The following SOX5 variants were observed in gnomAD, a reference collection of about 807,000 sequenced individuals.
The protein encoded by SOX5 is SRY-box transcription factor 5.
In SOX5, 9 loss-of-function variants were observed where a neutral mutation model predicts 92.0. The ratio of observed to expected loss-of-function variants is 0.10; its 90% confidence interval spans 0.06 to 0.17. The LOEUF (loss-of-function observed/expected upper bound fraction) is 0.17. SOX5 is among the 10% of genes least tolerant of loss of function. SOX5 has a pLI of 1.00. For synonymous variants in SOX5, 344 were observed against 336.3 expected (o/e 1.02, Z -0.25); for missense variants, 642 against 944.5 (o/e 0.68, Z 4.20).
chr12:23,729,093 T>C (rs910473675), intron 6 of SOX5, among the ~76,000 whole-genome samples: 7 of 152,078 alleles, frequency 4.6e-5, no homozygotes, highest in East Asian at 1.9e-4. Context: ...TTGCCCATCA[T>C]TGGAAATACA....
chr12:23,535,210 TTAAATC>T, intron 14 of SOX5, among the ~76,000 whole-genome samples: 1 of 152,358 alleles, frequency 6.6e-6, no homozygotes, highest in East Asian at 1.9e-4. Context: ...TTCCCTAGAA[TTAAATC>T]TAAAGATAAT....
At chr12:24,024,624 T>A (rs528336509) in intron 4 of SOX5, among the ~76,000 whole-genome samples, 2 of 152,120 alleles carry the variant, frequency 1.3e-5, no homozygotes, top group South Asian at 4.1e-4. Context: ...ATTTCAGACA[T>A]TTCTAAATAT....
intron 4 of SOX5, among the ~76,000 whole-genome samples, chr12:23,748,562 A>G (rs1307038605): frequency 6.6e-6 from 1 of 152,046 alleles, no homozygotes; most frequent in Non-Finnish European, 1.5e-5. Context: ...AAGAAAAAGT[A>G]CAAGTAAACT....
chr12:24,109,650 T>C (rs1420013412), intron 4 of SOX5, among the ~76,000 whole-genome samples: 1 of 152,148 alleles, frequency 6.6e-6, no homozygotes, highest in African/African-American at 2.4e-5. Flanking sequence ...ACAGTAAAAA[T>C]AGATTGATCT....
chr12:23,541,229 C>A (rs914703356), intron 13 of SOX5, among the ~76,000 whole-genome samples: 3 of 152,234 alleles, frequency 2.0e-5, no homozygotes, highest in African/African-American at 7.2e-5. Flanking sequence ...AATATCATTT[C>A]TTATCATCAA....
chr12:24,225,492 T>C (rs201462572), intron 3 of SOX5, among the ~76,000 whole-genome samples: 3 of 131,742 alleles, frequency 2.3e-5, no homozygotes, highest in African/African-American at 8.2e-5. Context: ...TTTTTTTTTT[T>C]TCCCCACTTA....
intron 2 of SOX5, among the ~76,000 whole-genome samples, chr12:24,290,058 C>T (rs972607563): frequency 1.3e-5 from 2 of 152,272 alleles, no homozygotes; most frequent in Admixed American, 6.5e-5. Flanking sequence ...CCTTTGTCTG[C>T]GATCCAAAAG....
chr12:24,166,087 A>C (rs1953374357), intron 4 of SOX5, among the ~76,000 whole-genome samples: 1 of 152,112 alleles, frequency 6.6e-6, no homozygotes, highest in Non-Finnish European at 1.5e-5. Flanking sequence ...GCTGGGCTGG[A>C]AAGAAACGTA....
chr12:23,734,499 C>G (rs1593814819), intron 6 of SOX5, among the ~76,000 whole-genome samples, 185 bp downstream of exon 6: 1 of 152,284 alleles, frequency 6.6e-6, no homozygotes, highest in African/African-American at 2.4e-5. Context: ...AGCTCCCTGA[C>G]ACAGTAGGGC....
chr12:24,115,141 G>C (rs1456544338), intron 4 of SOX5, among the ~76,000 whole-genome samples: 1 of 152,084 alleles, frequency 6.6e-6, no homozygotes, highest in African/African-American at 2.4e-5. Flanking sequence ...AGAAAACAAA[G>C]TGCAGAAAGT....
chr12:23,692,162 G>A lies in SOX5; in HGVS notation c.811-26598C>T, dbSNP rs190010141. On this transcript the variant is annotated intron_variant, in intron 6 of 14. Coordinates refer to ENST00000451604, the MANE Select transcript of SOX5 (RefSeq NM_006940.6). ...TAAAAATGATTTATGGCTGGGCACG[G>A]TGGCTCACGCCTGTAATCTCAGCAC... Among the ~76,000 whole-genome samples the A allele has an allele frequency of 4.3e-4, 66 of 152,168 alleles. 1 individual carries two copies. The highest frequency in any genetic ancestry group is 1.5e-3 in the African/African-American group (63 of 41,526).
chr12:23,665,571 A>G lies in SOX5; in HGVS notation c.811-7T>C, dbSNP rs1260056287. ...GCGGCAGCTGACCTTGAACCTGCTG[A>G]ACGTGATAGAGCGAATCAAAGAGAA... On this transcript the variant is annotated splice_polypyrimidine_tract_variant and splice_region_variant and intron_variant, in intron 6 of 14. Transcript: ENST00000451604. 1.2e-6 allele frequency: 2 copies of G among 1,610,456 alleles called. No individual in the cohort carries two copies. The highest frequency in any genetic ancestry group is 1.7e-6 in the Non-Finnish European group (2 of 1,178,300).
intron 3 of SOX5, among the ~76,000 whole-genome samples, chr12:23,808,301 T>C (rs952246058): frequency 6.6e-6 from 1 of 152,082 alleles, no homozygotes; most frequent in African/African-American, 2.4e-5. Flanking sequence ...CACCCCACCA[T>C]CTCTCACTTG....
chr12:23,613,588 C>T (rs79461242), intron 8 of SOX5, among the ~76,000 whole-genome samples: 5,094 of 152,220 alleles, frequency 0.033, 286 homozygotes, highest in African/African-American at 0.12. Flanking sequence ...TTATTCACAA[C>T]AGCCCAAAGG....
intron 6 of SOX5, among the ~76,000 whole-genome samples, chr12:23,688,509 A>G (rs2088078677): frequency 6.6e-6 from 1 of 152,048 alleles, no homozygotes; most frequent in South Asian, 2.1e-4. Context: ...TTAATGGCAA[A>G]ATAGGAATGG....
chr12:24,379,674 G>C (rs1009946134), intron 1 of SOX5, among the ~76,000 whole-genome samples: 2 of 152,098 alleles, frequency 1.3e-5, no homozygotes, highest in Admixed American at 6.5e-5. Context: ...AAGGGATCAA[G>C]CCCTGACAAA....
Position 23,870,958 on chromosome 12 carries a change from C to T in SOX5, c.271-24765G>A, listed in dbSNP as rs73265702. On this transcript the variant is annotated intron_variant, in intron 2 of 14. Coordinates refer to ENST00000451604, the MANE Select transcript of SOX5 (RefSeq NM_006940.6). ...AATTATAGGGATCATATGAAAATCC[C>T]GTTATCCACCATGAAAATCTGGTAG... Among the ~76,000 whole-genome samples, 778 of 152,030 alleles carry T rather than the reference C, an allele frequency of 5.1e-3. 6 individuals carry two copies. The highest frequency in any genetic ancestry group is 0.018 in the African/African-American group (737 of 41,486).
At chr12:24,475,103 T>C (rs1024051602) in intron 1 of SOX5, among the ~76,000 whole-genome samples, 6 of 152,146 alleles carry the variant, frequency 3.9e-5, no homozygotes, top group Non-Finnish European at 8.8e-5. Context: ...CCTCCCAAAG[T>C]GCTGGGATTA....
At chr12:24,223,737 AGAGT>A (rs1961107924) in intron 3 of SOX5, among the ~76,000 whole-genome samples, 1 of 152,240 alleles carries the variant, frequency 6.6e-6, no homozygotes, top group African/African-American at 2.4e-5. Context: ...CTCAGGCAAT[AGAGT>A]GAGACCCTAT....
Sources: allele counts gnomAD v4.1 joint callset (sites outside exome capture counted in the v4.1 genomes callset), GRCh38; gene constraint gnomAD v4.1.1; transcripts MANE v1.5; gene names NCBI Gene and HGNC (gene_info 2026-07-23, HGNC 2026-07-21).